Variants in PBX1 observed in about 807,000 individuals in gnomAD.
PBX1 encodes the protein pre-B-cell leukemia transcription factor 1.
A neutral mutation model predicts 53.4 loss-of-function variants in PBX1; 6 were observed. The observed-to-expected ratio is 0.11, with a 90% CI of 0.06 to 0.22. The LOEUF (loss-of-function observed/expected upper bound fraction) is 0.22. Among genes scored for constraint, PBX1 ranks in the 10% least tolerant of loss-of-function variants. The pLI is 1.00. For synonymous variants in PBX1, 204 were observed against 212.3 expected (o/e 0.96, Z 0.34); for missense variants, 251 against 551.4 (o/e 0.46, Z 5.46).
chr1:164,593,221 G>C (rs921410370), intron 2 of PBX1, among the ~76,000 whole-genome samples: 1 of 152,148 alleles, frequency 6.6e-6, no homozygotes, highest in African/African-American at 2.4e-5. Context: ...GCCTTGCAAA[G>C]TGCGGGAATA....
intron 2 of PBX1, among the ~76,000 whole-genome samples, chr1:164,778,794 ACT>A (rs1667793076): frequency 1.1e-4 from 17 of 152,170 alleles, no homozygotes; most frequent in Admixed American, 9.2e-4. Flanking sequence ...ATCCCGTGAA[ACT>A]CTGCCAGCTG....
At chr1:164,719,432 C>G (rs1230841082) in intron 2 of PBX1, among the ~76,000 whole-genome samples, 2 of 152,154 alleles carry the variant, frequency 1.3e-5, no homozygotes, top group African/African-American at 2.4e-5. Flanking sequence ...TTTACTTGTC[C>G]TGAGTAAAAG....
chr1:164,883,814 T>A (rs190177119), intron 2 of PBX1, among the ~76,000 whole-genome samples: 2 of 152,224 alleles, frequency 1.3e-5, no homozygotes, highest in Non-Finnish European at 2.9e-5. Flanking sequence ...AGATGCACTA[T>A]TAACTTTTGA....
intron 2 of PBX1, among the ~76,000 whole-genome samples, chr1:164,732,234 G>T (rs1410245351): frequency 6.6e-6 from 1 of 152,018 alleles, no homozygotes. Context: ...TTTAAAACAT[G>T]GTCTTATTTT....
At chr1:164,835,058 A>C (rs1670966753) in intron 8 of PBX1, among the ~76,000 whole-genome samples, 1 of 152,208 alleles carries the variant, frequency 6.6e-6, no homozygotes, top group South Asian at 2.1e-4. Context: ...TGGGTGTAAG[A>C]AAGTTACATT....
In PBX1 at chr1:164,782,779, G is replaced by A. The variant is rs116819195; in HGVS notation, c.266-9715G>A. On this transcript the variant is annotated intron_variant, in intron 2 of 8. Transcript: ENST00000420696. ...TCAAGACAGTAGTGACAACGGCAGC[G>A]GGGTAAGACAACATGGAGGTGTGCA... 9.8e-3 allele frequency among the ~76,000 whole-genome samples: 1,492 copies of A among 152,244 alleles called. 26 individuals carry two copies. Among genetic ancestry groups the A allele is most frequent in the African/African-American group, 0.034 (1,424 of 41,536 alleles).
intron 2 of PBX1, among the ~76,000 whole-genome samples, chr1:164,690,527 G>A (rs1290095469): frequency 6.6e-6 from 1 of 151,832 alleles, no homozygotes; most frequent in Non-Finnish European, 1.5e-5. Context: ...CCTAGCATGG[G>A]AGGCCGAAGC....
intron 2 of PBX1, among the ~76,000 whole-genome samples, chr1:164,727,453 G>A (rs1312168741): frequency 6.6e-6 from 1 of 152,218 alleles, no homozygotes; most frequent in African/African-American, 2.4e-5. Context: ...AGAAAGTTCT[G>A]TAATTTGGAG....
chr1:164,796,288 G>A (rs565406373), intron 3 of PBX1, among the ~76,000 whole-genome samples: 16 of 152,240 alleles, frequency 1.1e-4, no homozygotes, highest in Admixed American at 2.6e-4. Context: ...GATTACAGGC[G>A]TGAGCCACCG....
chr1:164,689,613 G>A (rs1300464289), intron 2 of PBX1, among the ~76,000 whole-genome samples: 1 of 152,178 alleles, frequency 6.6e-6, no homozygotes, highest in Non-Finnish European at 1.5e-5. Context: ...AGAAGGACCT[G>A]CGATTGCACA....
intron 2 of PBX1, among the ~76,000 whole-genome samples, chr1:164,863,737 G>T (rs1672149308): frequency 6.6e-6 from 1 of 152,156 alleles, no homozygotes; most frequent in Non-Finnish European, 1.5e-5. Context: ...TGCTGGAGGA[G>T]GGAATCTGGC....
chr1:164,652,892 C>T (rs1019647617), intron 2 of PBX1, among the ~76,000 whole-genome samples: 4 of 147,228 alleles, frequency 2.7e-5, no homozygotes, highest in Non-Finnish European at 5.9e-5. Flanking sequence ...TTTTTTCGGA[C>T]AGAGTCTCAC....
chr1:164,796,244 C>A (rs540161644), intron 3 of PBX1, among the ~76,000 whole-genome samples: 1 of 152,176 alleles, frequency 6.6e-6, no homozygotes, highest in East Asian at 1.9e-4. Context: ...CTCCTGACAT[C>A]GTGTTCACCC....
chr1:164,778,143 T>C (rs1280915435), intron 2 of PBX1, among the ~76,000 whole-genome samples: 1 of 152,190 alleles, frequency 6.6e-6, no homozygotes, highest in African/African-American at 2.4e-5. Flanking sequence ...TGCTGGGTGA[T>C]GCTGAACATT....
chr1:164,664,531 A>G (rs1238288127), intron 2 of PBX1, among the ~76,000 whole-genome samples: 1 of 152,220 alleles, frequency 6.6e-6, no homozygotes, highest in Non-Finnish European at 1.5e-5. Flanking sequence ...GGCACAATGT[A>G]TTAGAGTTTT....
intron 2 of PBX1, among the ~76,000 whole-genome samples, chr1:164,565,452 C>CACACAG (rs1408591629): frequency 1.3e-5 from 2 of 151,458 alleles, no homozygotes; most frequent in African/African-American, 4.9e-5. Flanking sequence ...CACACACACA[C>CACACAG]AAGTCTTGGA....
intron 2 of PBX1, among the ~76,000 whole-genome samples, chr1:164,634,748 CT>C (rs1484362748): frequency 1.3e-5 from 2 of 152,156 alleles, no homozygotes; most frequent in African/African-American, 4.8e-5. Context: ...GGTTTGGGGT[CT>C]TTGTTGTAGG....
rs1229025986 is a variant in PBX1, at chr1:164,876,003, TATAC to T, written n.258-23183_258-23180del. ...TGGTGTATGTGTATATATATATATA[TATAC>T]ACACATACACCAAATGGTTTTTTAT... On this transcript the variant is annotated intron_variant and non_coding_transcript_variant, in intron 2 of 2. Coordinates refer to the PBX1 transcript ENST00000558796. Among the ~76,000 whole-genome samples the T allele has an allele frequency of 2.8e-4, 16 of 56,320 alleles. 1 individual carries two copies. Among genetic ancestry groups the T allele is most frequent in the South Asian group, 1.2e-3 (2 of 1,614 alleles). 36.9% of individuals were successfully genotyped at this position (56,320 alleles called of 152,430 possible). A position where few individuals can be genotyped will look rare whatever the true frequency, so the allele number is the denominator to read the frequency against.
intron 2 of PBX1, among the ~76,000 whole-genome samples, chr1:164,600,892 T>C (rs1656122585): frequency 6.6e-6 from 1 of 152,158 alleles, no homozygotes; most frequent in East Asian, 1.9e-4. Flanking sequence ...TCTTCATACC[T>C]GAGGAATGGC....
Sources: allele counts gnomAD v4.1 joint callset (sites outside exome capture counted in the v4.1 genomes callset), GRCh38; gene constraint gnomAD v4.1.1; transcripts MANE v1.5; gene names NCBI Gene and HGNC (gene_info 2026-07-23, HGNC 2026-07-21).